SLIT2: variants seen among roughly 807,000 people sequenced by gnomAD.
The protein encoded by SLIT2 is slit homolog 2 protein.
In SLIT2, 41 loss-of-function variants were observed where a neutral mutation model predicts 185.7. The ratio of observed to expected loss-of-function variants is 0.22; its 90% CI spans 0.17 to 0.29. The LOEUF (loss-of-function observed/expected upper bound fraction) is 0.29, where lower values mean the gene tolerates loss of function less well. Ranked by LOEUF, SLIT2 falls within the 10% of genes least tolerant of loss-of-function variation. The pLI, the probability that SLIT2 is intolerant of heterozygous loss-of-function variation, is 1.00. For missense variants in SLIT2, 1,571 were observed against 1,909.0 expected, an observed-to-expected ratio of 0.82 and a Z score of 3.30; for synonymous variants, 693 against 680.2, an observed-to-expected ratio of 1.02 and a Z score of -0.29.
intron 4 of SLIT2, among the ~76,000 whole-genome samples, chr4:20,369,014 T>A (rs997033745): frequency 6.6e-6 from 1 of 152,206 alleles, no homozygotes; most frequent in African/African-American, 2.4e-5. Flanking sequence ...TACTTCTGGT[T>A]TTTATTGCTT....
chr4:20,273,010 A>G (rs1013090803), intron 4 of SLIT2, among the ~76,000 whole-genome samples: 3 of 152,140 alleles, frequency 2.0e-5, no homozygotes, highest in Admixed American at 6.6e-5. Context: ...GTCATAATTC[A>G]TTATCTCTCA....
chr4:20,282,270 A>G (rs550527443), intron 4 of SLIT2, among the ~76,000 whole-genome samples: 1 of 152,336 alleles, frequency 6.6e-6, no homozygotes, highest in South Asian at 2.1e-4. Flanking sequence ...TACAGTCCAG[A>G]TATTTCTCTG....
rs1400406730 is a variant in SLIT2, at chr4:20,553,943, T to C, written c.2700T>C (p.Thr900=). The change falls in exon 26 of 37, where the codon ACT becomes ACC. Residue 900 remains threonine (T), a synonymous_variant. Transcript: ENST00000504154. Reference sequence around the variant, plus strand: ...TGGCAGATAAACTTTTACTCACAACTCCCTCCAAAAAATTTACCTGTCAAG... The same window carrying C: ...TGGCAGATAAACTTTTACTCACAACCCCCTCCAAAAAATTTACCTGTCAAG... ...GEMADKLLLT[T]PSKKFTCQGP... is the part of the protein sequence containing the mutation. 1.9e-6 allele frequency: 3 copies of C among 1,602,110 alleles called. No individual in the cohort carries two copies. In the East Asian group the frequency reaches 6.7e-5, roughly 36 times the overall value.
chr4:20,342,645 T>G (rs549965261), intron 4 of SLIT2, among the ~76,000 whole-genome samples: 2 of 151,870 alleles, frequency 1.3e-5, no homozygotes, highest in East Asian at 3.9e-4. Context: ...ATTTATTTAT[T>G]CCTTTTTTAA....
chr4:20,409,281 TCTC>T (rs1727016302), intron 4 of SLIT2, among the ~76,000 whole-genome samples: 1 of 152,208 alleles, frequency 6.6e-6, no homozygotes, highest in South Asian at 2.1e-4. Context: ...GTCCATGTGT[TCTC>T]CTCATTCAGC....
At chr4:20,512,724 A>G (rs757261035) in intron 11 of SLIT2, among the ~76,000 whole-genome samples, 1 of 152,188 alleles carries the variant, frequency 6.6e-6, no homozygotes, top group Non-Finnish European at 1.5e-5. Flanking sequence ...GCAAATCAGC[A>G]TGTCAGTTCC....
intron 29 of SLIT2, among the ~76,000 whole-genome samples, chr4:20,582,657 T>C (rs916510123): frequency 1.3e-5 from 2 of 152,186 alleles, no homozygotes; most frequent in Admixed American, 1.3e-4. Flanking sequence ...TTTGCAGAGA[T>C]AGGAGATTCA....
chr4:20,610,247 T>A, intron 34 of SLIT2, 80 bp downstream of exon 34: 1 of 1,245,470 alleles, frequency 8.0e-7, no homozygotes, highest in African/African-American at 1.5e-5. Flanking sequence ...TGTTAATGCC[T>A]AATATATCAG....
chr4:20,460,307 T>A (rs1480000648), intron 4 of SLIT2, among the ~76,000 whole-genome samples: 1 of 152,190 alleles, frequency 6.6e-6, no homozygotes, highest in Non-Finnish European at 1.5e-5. Context: ...GAGAAAGTTA[T>A]TTAGGAAAGG....
At chr4:20,485,075 ACTT>A (rs1717082237) in intron 6 of SLIT2, among the ~76,000 whole-genome samples, 1 of 152,146 alleles carries the variant, frequency 6.6e-6, no homozygotes. Context: ...CTTCAGAGGA[ACTT>A]GCCTTCTTTA....
chr4:20,424,990 C>T (rs1483010362), intron 4 of SLIT2, among the ~76,000 whole-genome samples: 1 of 152,012 alleles, frequency 6.6e-6, no homozygotes, highest in Non-Finnish European at 1.5e-5. Context: ...ATTGATAAGG[C>T]ATAATTTGTC....
At chr4:20,601,541 C>G (rs1416219481) in intron 33 of SLIT2, among the ~76,000 whole-genome samples, 1 of 152,208 alleles carries the variant, frequency 6.6e-6, no homozygotes, top group Admixed American at 6.5e-5. Context: ...TGGATCTACT[C>G]TTAATCCTCT....
intron 4 of SLIT2, among the ~76,000 whole-genome samples, chr4:20,427,799 T>C (rs111749992): frequency 6.6e-6 from 1 of 152,326 alleles, no homozygotes; most frequent in African/African-American, 2.4e-5. Flanking sequence ...TCAGGTCTTT[T>C]TCCCCCAACT....
At chr4:20,399,889 GTGTC>G (rs1246287188) in intron 4 of SLIT2, among the ~76,000 whole-genome samples, 3 of 151,734 alleles carry the variant, frequency 2.0e-5, no homozygotes, top group Non-Finnish European at 4.4e-5. Context: ...AGACAGTAGA[GTGTC>G]TGAGCATTCA....
chr4:20,528,969 A>G lies in SLIT2; in HGVS notation c.1483A>G (p.Lys495Glu). ...AATAGGTACAGAAGATTATCGATCA[A>G]AATTAAGTGGAGACTGCTTTGCGGA... Reference protein sequence around the residue: ...FIPGTEDYRSKLSGDCFADLA... With the variant: ...FIPGTEDYRSELSGDCFADLA... Residue 495 changes from lysine to glutamate, a missense_variant, in exon 16 of 37, where the codon AAA (lysine) becomes GAA (glutamate). Lys to Glu is a moderately conservative substitution (Grantham distance 56). This residue lies in a region of SLIT2 where 1,202 missense variants were observed against 1,416.4 expected (regional missense o/e 0.85). Transcript: ENST00000504154. This position sits in a 1 kb window ranked among gnomAD's most constrained non-coding sequence, Gnocchi z 4.2. 1 of 1,613,972 alleles carries G rather than the reference A, an allele frequency of 6.2e-7. No homozygotes were observed. Among genetic ancestry groups the G allele is most frequent in the Non-Finnish European group, 8.5e-7 (1 of 1,179,912 alleles).
In SLIT2 at chr4:20,539,535, A is replaced by G. The variant is rs757417191; in HGVS notation, c.1927A>G (p.Thr643Ala). The G allele has an allele frequency of 6.2e-7, 1 of 1,613,052 alleles. No individual in the cohort carries two copies. The highest frequency in any genetic ancestry group is 1.7e-5 in the Admixed American group (1 of 60,008). ...RLLSLYDNQI[T>A]TVAPGAFDTL... ...GCTTTCTTTGTATGATAATCAAATT[A>G]CTACAGTTGCACCAGGGGCATTTGA... Residue 643 changes from threonine to alanine, a missense_variant, in exon 19 of 37, where the codon ACT becomes GCT. Physicochemically the swap from Thr to Ala is moderately conservative, Grantham distance 58. Coordinates refer to ENST00000504154, the MANE Select transcript of SLIT2 (RefSeq NM_004787.4).
intron 4 of SLIT2, among the ~76,000 whole-genome samples, chr4:20,442,523 C>CAA (rs3049201): frequency 2.4e-4 from 18 of 74,152 alleles, no homozygotes; most frequent in Non-Finnish European, 2.9e-4. Context: ...GACTCTGTCT[C>CAA]AAAAAAAAAA....
rs114728544 is a variant in SLIT2 at position 20,327,852 on chromosome 4, A to G, written c.395+58971A>G. On this transcript the variant is annotated intron_variant, in intron 4 of 36. Transcript: ENST00000504154. ...TGTCAAAGCAGAACCTGTGTTGCCT[A>G]TTTCATACATGTTGGAAATCTAAAT... Among the ~76,000 whole-genome samples the G allele has an allele frequency of 2.2e-3, 342 of 152,138 alleles. 2 individuals are homozygous for G. The highest frequency in any genetic ancestry group is 7.8e-3 in the African/African-American group (326 of 41,542).
intron 4 of SLIT2, among the ~76,000 whole-genome samples, chr4:20,334,953 G>A (rs1003171355): frequency 2.0e-5 from 3 of 152,110 alleles, no homozygotes; most frequent in African/African-American, 7.2e-5. Context: ...ATGTTTCAGG[G>A]ATCGAATAAA....
Sources: allele counts gnomAD v4.1 joint callset (sites outside exome capture counted in the v4.1 genomes callset), GRCh38; gene constraint gnomAD v4.1.1; regional missense constraint gnomAD v4.1.1; non-coding constraint Gnocchi (gnomAD v3.1); transcripts MANE v1.5; gene names NCBI Gene and HGNC (gene_info 2026-07-23, HGNC 2026-07-21).